COPG1: variants seen among roughly 807,000 people sequenced by gnomAD.
COPG1 encodes coatomer subunit gamma-1.
Under a neutral mutation model 102.8 loss-of-function variants are expected in COPG1, and 29 were observed. The observed-to-expected ratio is 0.28, with a 90% CI of 0.21 to 0.38. COPG1 has a LOEUF of 0.38. Among genes scored for constraint, COPG1 ranks in the 10% least tolerant of loss-of-function variants. COPG1 has a pLI of 1.00. For synonymous variants in COPG1, 406 were observed against 421.6 expected (o/e 0.96, Z 0.45); for missense variants, 875 against 1,132.7 (o/e 0.77, Z 3.27).
chr3:129,253,094 C>T (rs112905639), intron 5 of COPG1, 139 bp downstream of exon 5: 3 of 644,672 alleles, frequency 4.7e-6, no homozygotes, highest in African/African-American at 1.8e-5. Flanking sequence ...TACCACTGCC[C>T]ACCCCATGGC....
At chr3:129,265,404 G>C in intron 13 of COPG1, 145 bp from the exon 14 acceptor site, 4 of 1,001,222 alleles carry the variant, frequency 4.0e-6, no homozygotes, top group Non-Finnish European at 5.9e-6. Flanking sequence ...CCTTTTGTTT[G>C]ACAGGAAAGA....
intron 10 of COPG1, 72 bp from the exon 11 acceptor site, chr3:129,260,261 A>G (rs1255060068): frequency 2.1e-5 from 30 of 1,398,970 alleles, no homozygotes; most frequent in Non-Finnish European, 2.9e-5. Context: ...TTGAGTCAGA[A>G]CAGTAGCCCC....
chr3:129,254,493 T>G, intron 5 of COPG1, 175 bp from the exon 6 acceptor site: 1 of 553,490 alleles, frequency 1.8e-6, no homozygotes, highest in Non-Finnish European at 3.2e-6. Flanking sequence ...TGGTTTTGAG[T>G]CTTATGAAAC....
chr3:129,269,949 G>A (rs886091999), intron 18 of COPG1, among the ~76,000 whole-genome samples: 2 of 150,760 alleles, frequency 1.3e-5, no homozygotes, highest in African/African-American at 4.9e-5. Flanking sequence ...GCTACTAGAG[G>A]TGGCCCGTAT....
At position 129,252,614 on chromosome 3, in the gene COPG1, T is replaced by C; in HGVS notation, c.172-9T>C. On this transcript the variant is annotated splice_polypyrimidine_tract_variant and intron_variant, in intron 3 of 23. Transcript: ENST00000314797. ...TCCCAAGCTGAGACTTCTTTCTTGATTAACACAGGGGGAGCACCTGGGGAC... is the reference window on the plus strand; with the variant it reads ...TCCCAAGCTGAGACTTCTTTCTTGACTAACACAGGGGGAGCACCTGGGGAC... 1 of 1,612,960 alleles carries C rather than the reference T, an allele frequency of 6.2e-7. No homozygotes were observed. Among genetic ancestry groups the C allele is most frequent in the African/African-American group, 1.3e-5 (1 of 75,008 alleles).
intron 21 of COPG1, chr3:129,273,992 G>A (rs1940224310): frequency 4.4e-6 from 2 of 455,602 alleles, no homozygotes; most frequent in African/African-American, 2.0e-5. Flanking sequence ...GATGGGGACT[G>A]TTAGAACTCC....
Position 129,260,397 on chromosome 3 carries a change from T to A in COPG1, c.936T>A (p.Asn312Lys), listed in dbSNP as rs774282553. ...ALRYAAVRTL[N>K]KVAMKHPSAV... ...GCTATGCTGCTGTTCGTACCCTCAA[T>A]AAGGTAAGAGTCCAGCTTGGGGGTT... is the stretch of plus-strand genomic sequence containing the variant. Residue 312 changes from asparagine (N) to lysine (K), a missense_variant, in exon 11 of 24, where the codon AAT (asparagine) becomes AAA (lysine). Physicochemically the swap from Asn to Lys is moderately conservative, Grantham distance 94 (BLOSUM62 0). Coordinates refer to ENST00000314797, the MANE Select transcript of COPG1 (RefSeq NM_016128.4). The A allele has an allele frequency of 9.3e-6, 15 of 1,613,828 alleles. No homozygotes were observed. The Admixed American group carries it at 2.2e-4, about 23-fold the overall frequency.
At position 129,271,789 on chromosome 3, in the gene COPG1, G is replaced by A. The variant is rs1382882135; in HGVS notation, c.1866G>A (p.Glu622=). The change falls in exon 19 of 24, where the codon GAG becomes GAA. Residue 622 remains glutamate, a synonymous_variant. Transcript: ENST00000314797. The surrounding 1 kb of genome is among the most constrained non-coding windows in gnomAD (Gnocchi z 4.7). ...IFQEQLAAVP[E]FRGLGPLFKS... ...CAGAGCAGTTGGCAGCAGTGCCAGAGTTCCGCGGTCTTGGGCCCCTCTTCA... is the reference window on the plus strand; with the variant it reads ...CAGAGCAGTTGGCAGCAGTGCCAGAATTCCGCGGTCTTGGGCCCCTCTTCA... 3 of 1,614,248 alleles carry A rather than the reference G, an allele frequency of 1.9e-6. No homozygotes were observed. Among genetic ancestry groups the A allele is most frequent in the Non-Finnish European group, 1.7e-6 (2 of 1,180,042 alleles).
rs1940250303 is a variant in COPG1 at position 129,275,542 on chromosome 3, T to A, written c.2494+250T>A. On this transcript the variant is annotated intron_variant, in intron 23 of 23. Coordinates refer to ENST00000314797, the MANE Select transcript of COPG1 (RefSeq NM_016128.4). This position sits in a 1 kb window ranked among gnomAD's most constrained non-coding sequence, Gnocchi z 5.0. Reference sequence around the variant, plus strand: ...CTTGTATAACCTTGCGGTTATTTTATGGCTATAAAAGCTAATAGGAACGCA... The same window carrying A: ...CTTGTATAACCTTGCGGTTATTTTAAGGCTATAAAAGCTAATAGGAACGCA... Among the ~76,000 whole-genome samples, 1 of 152,260 alleles carries A rather than the reference T, an allele frequency of 6.6e-6. No individual in the cohort carries two copies. Among genetic ancestry groups the A allele is most frequent in the African/African-American group, 2.4e-5 (1 of 41,474 alleles).
chr3:129,275,271 AC>A lies in COPG1; in HGVS notation c.2476del (p.His826ThrfsTer27). On this transcript the variant is annotated frameshift_variant, in exon 23 of 24. Coordinates refer to ENST00000314797, the MANE Select transcript of COPG1 (RefSeq NM_016128.4). LOFTEE classifies it high-confidence loss of function. The surrounding 1 kb of genome is among the most constrained non-coding windows in gnomAD (Gnocchi z 5.0). ...RSDKVPDNKN[T>X]HTLLLAGVFR... ...AGACAAAGTGCCGGATAACAAGAAC[AC>A]CCACACGTTGCTCCTGGCTGGTAAG... 4.3e-6 allele frequency: 7 copies of A among 1,614,106 alleles called. No homozygotes were observed. Among genetic ancestry groups the A allele is most frequent in the Non-Finnish European group, 5.1e-6 (6 of 1,179,988 alleles).
At position 129,277,274 on chromosome 3, in the gene COPG1, A is replaced by G. The variant is rs199818615; in HGVS notation, c.2495-20A>G. 6.2e-7 allele frequency: 1 copy of G among 1,612,512 alleles called. No individual in the cohort carries two copies. Among genetic ancestry groups the G allele is most frequent in the African/African-American group, 1.3e-5 (1 of 74,760 alleles). On this transcript the variant is annotated intron_variant, in intron 23 of 23. Coordinates refer to ENST00000314797, the MANE Select transcript of COPG1 (RefSeq NM_016128.4). ...AGTCCCTTCTGCTGTATATATCTGTACTTCTCTCTTCCCTTCTAGGTGTGT... is the reference window on the plus strand; with the variant it reads ...AGTCCCTTCTGCTGTATATATCTGTGCTTCTCTCTTCCCTTCTAGGTGTGT...
In COPG1 at chr3:129,271,315, G is replaced by A. The variant is rs950174911; in HGVS notation, c.1844-452G>A. ...TGAAATATCTCTTTATTGGCCATTT[G>A]TCTTAACTGATAAATATATAGGACC... On this transcript the variant is annotated intron_variant, in intron 18 of 23. Coordinates refer to ENST00000314797, the MANE Select transcript of COPG1 (RefSeq NM_016128.4). The surrounding 1 kb of genome is among the most constrained non-coding windows in gnomAD (Gnocchi z 4.7). Among the ~76,000 whole-genome samples, 3 of 152,194 alleles carry A rather than the reference G, an allele frequency of 2.0e-5. No homozygotes were observed. The East Asian group carries it at 5.8e-4, about 29-fold the overall frequency.
chr3:129,250,909 C>CTT, intron 2 of COPG1, 175 bp downstream of exon 2: 5 of 220,574 alleles, frequency 2.3e-5, no homozygotes, highest in South Asian at 4.2e-5. Context: ...GTTATGCTTA[C>CTT]TTCTTTTTTT....
intron 7 of COPG1, 106 bp downstream of exon 7, chr3:129,255,183 T>A: frequency 1.3e-6 from 1 of 744,896 alleles, no homozygotes; most frequent in Non-Finnish European, 2.2e-6. Context: ...TTCTTTCTTT[T>A]TTTTTTTTTG....
intron 10 of COPG1, 84 bp from the exon 11 acceptor site, chr3:129,260,249 G>C (rs1939899278): frequency 8.0e-7 from 1 of 1,256,308 alleles, no homozygotes. Flanking sequence ...TGAGCAGAGG[G>C]TTTGAGTCAG....
chr3:129,262,954 T>G (rs1436999582), intron 12 of COPG1, among the ~76,000 whole-genome samples: 2 of 134,186 alleles, frequency 1.5e-5, no homozygotes, highest in Non-Finnish European at 3.0e-5. Context: ...GGCCTGGAGG[T>G]GGAGGTTGCA....
At position 129,275,329 on chromosome 3, in the gene COPG1, CT is replaced by C; in HGVS notation, c.2494+39del. 6.4e-7 allele frequency: 1 copy of C among 1,558,330 alleles called. No individual in the cohort carries two copies. Among genetic ancestry groups the C allele is most frequent in the Non-Finnish European group, 8.8e-7 (1 of 1,130,022 alleles). Reference sequence around the variant, plus strand: ...TTCTAGATGGGGAGGGCCTGGATAGCTTACAGCCTGGATGCCACTGGATCCT... The same window carrying C: ...TTCTAGATGGGGAGGGCCTGGATAGCTACAGCCTGGATGCCACTGGATCCT... On this transcript the variant is annotated intron_variant, in intron 23 of 23. Transcript: ENST00000314797. The surrounding 1 kb of genome is among the most constrained non-coding windows in gnomAD (Gnocchi z 5.0).
intron 8 of COPG1, 76 bp from the exon 9 acceptor site, chr3:129,257,394 G>A: frequency 6.5e-7 from 1 of 1,531,146 alleles, no homozygotes. Context: ...AAGGCTGAAG[G>A]ACCCACCCAG....
Position 129,274,830 on chromosome 3 carries a change from C to T in COPG1, c.2257-8C>T, listed in dbSNP as rs200461154. The stretch of plus-strand genomic sequence containing the variant: ...ATGGGTGCCTGATTTCTACCTCCAT[C>T]TCTCCAGCTGGAAGATCTGGAAGTT... On this transcript the variant is annotated splice_region_variant and splice_polypyrimidine_tract_variant and intron_variant, in intron 21 of 23. Transcript: ENST00000314797. 4.4e-6 allele frequency: 7 copies of T among 1,607,442 alleles called. No individual in the cohort carries two copies. Among genetic ancestry groups the T allele is most frequent in the East Asian group, 2.2e-5 (1 of 44,738 alleles).
Sources: gnomAD v4.1 joint callset for allele counts (sites outside exome capture counted in the v4.1 genomes callset) on GRCh38, gnomAD v4.1.1 for gene constraint, Gnocchi (gnomAD v3.1) non-coding constraint, MANE v1.5 for transcripts, NCBI Gene and HGNC (gene_info 2026-07-23, HGNC 2026-07-21) for gene names.